Variants in RBP2 observed in about 807,000 individuals in gnomAD.
The protein encoded by RBP2 is retinol binding protein 2, also known as retinol-binding protein 2.
RBP2 carries 17 observed loss-of-function variants against 17.0 expected under a neutral mutation model. The observed-to-expected ratio is 1.00, with a 90% CI of 0.68 to 1.50. The LOEUF (loss-of-function observed/expected upper bound fraction) is 1.50, where lower values mean the gene tolerates loss of function less well. Among genes scored for constraint, RBP2 ranks in the 40% most tolerant of loss-of-function variants. The pLI, the probability that RBP2 is intolerant of heterozygous loss-of-function variation, is 0.00. For missense variants in RBP2, 158 were observed against 168.2 expected (o/e 0.94, Z 0.33); for synonymous variants, 48 against 57.1 (o/e 0.84, Z 0.72).
At chr3:139,471,877 T>TAAC (rs2107883345) in intron 1 of RBP2, among the ~76,000 whole-genome samples, 1 of 152,344 alleles carries the variant, frequency 6.6e-6, no homozygotes, top group South Asian at 2.1e-4. Flanking sequence ...CTATCTCTGT[T>TAAC]AGAGTGAGCA....
chr3:139,461,207 T>G (rs941021395), intron 2 of RBP2, among the ~76,000 whole-genome samples: 20 of 152,160 alleles, frequency 1.3e-4, no homozygotes, highest in Admixed American at 6.5e-5. Flanking sequence ...CTGTTACCCT[T>G]GCCTTCCCAG....
chr3:139,460,723 G>T (rs896507434), intron 2 of RBP2, among the ~76,000 whole-genome samples: 1 of 152,124 alleles, frequency 6.6e-6, no homozygotes, highest in African/African-American at 2.4e-5. Flanking sequence ...GGTGTTGCTT[G>T]CTTTGTTGTG....
chr3:139,472,577 G>A (rs1228564332), intron 1 of RBP2, among the ~76,000 whole-genome samples: 2 of 152,136 alleles, frequency 1.3e-5, no homozygotes, highest in South Asian at 2.1e-4. Context: ...GATGCTGAAG[G>A]CCAGTTAAGG....
intron 3 of RBP2, among the ~76,000 whole-genome samples, chr3:139,454,309 G>T (rs545551681): frequency 2.7e-4 from 41 of 152,188 alleles, no homozygotes; most frequent in African/African-American, 8.9e-4. Flanking sequence ...AATACCTGTG[G>T]CAGTTCCCAG....
rs148588301 is a variant in RBP2 at position 139,474,845 on chromosome 3, G to C, written c.73+1542C>G. ...GCTCCAATCCATTTACCCATGTGTA[G>C]TATCAGAATCCCATTTCTATTGGCC... is the stretch of plus-strand genomic sequence containing the variant. On this transcript the variant is annotated intron_variant, in intron 1 of 3. Coordinates refer to ENST00000232217, the MANE Select transcript of RBP2 (RefSeq NM_004164.3). Among the ~76,000 whole-genome samples, 116 of 152,204 alleles carry C rather than the reference G, an allele frequency of 7.6e-4. 1 individual carries two copies. The highest frequency in any genetic ancestry group is 7.8e-4 in the Non-Finnish European group (53 of 68,012).
At chr3:139,463,185 CTT>C (rs1347779341) in intron 1 of RBP2, among the ~76,000 whole-genome samples, 2 of 151,652 alleles carry the variant, frequency 1.3e-5, no homozygotes, top group Non-Finnish European at 2.9e-5. Context: ...TCAGAGATTT[CTT>C]CTTTTTTTTT....
chr3:139,453,985 CA>C (rs1943354033), intron 3 of RBP2, among the ~76,000 whole-genome samples: 2 of 152,176 alleles, frequency 1.3e-5, no homozygotes, highest in African/African-American at 4.8e-5. Flanking sequence ...GGCACTGTGG[CA>C]ACCTGAATAC....
intron 1 of RBP2, among the ~76,000 whole-genome samples, chr3:139,465,902 G>A (rs1933343338): frequency 6.6e-6 from 1 of 152,176 alleles, no homozygotes; most frequent in South Asian, 2.1e-4. Context: ...CACATAGCCT[G>A]TGAGGCATGG....
chr3:139,462,233 T>G lies in RBP2; in HGVS notation c.131A>C (p.Asp44Ala). 6.2e-7 allele frequency: 1 copy of G among 1,614,138 alleles called. No individual in the cohort carries two copies. The highest frequency in any genetic ancestry group is 8.5e-7 in the Non-Finnish European group (1 of 1,180,002). Reference protein sequence around the residue: ...AVRLTQTKVIDQDGDNFKTKT... With the variant: ...AVRLTQTKVIAQDGDNFKTKT... ...TGTCTTGAAGTTATCACCATCTTGA[T>G]CAATAACCTTCGTCTGAGTGAGACG... Residue 44 changes from aspartate to alanine, a missense_variant, in exon 2 of 4, where the codon GAT becomes GCT. By Grantham distance (126) the Asp-to-Ala change is moderately radical (BLOSUM62 -2). Transcript: ENST00000232217.
At chr3:139,459,779 G>A (rs541345343) in intron 2 of RBP2, among the ~76,000 whole-genome samples, 1 of 151,746 alleles carries the variant, frequency 6.6e-6, no homozygotes, top group South Asian at 2.1e-4. Flanking sequence ...CCCATTGTTG[G>A]AGGCTGGGCA....
intron 2 of RBP2, among the ~76,000 whole-genome samples, chr3:139,457,038 C>T (rs1213800370): frequency 1.3e-5 from 2 of 152,180 alleles, no homozygotes; most frequent in African/African-American, 4.8e-5. Flanking sequence ...CTGTCCTCCT[C>T]ACTCCCAGAT....
At chr3:139,454,960 A>AGG in intron 2 of RBP2, 130 bp from the exon 3 acceptor site, 2 of 815,226 alleles carry the variant, frequency 2.5e-6, no homozygotes, top group Non-Finnish European at 4.1e-6. Flanking sequence ...CCTCAGCCTC[A>AGG]GGGAGCCAAG....
chr3:139,454,712 C>A lies in RBP2; in HGVS notation c.354+17G>T. ...GTAAGCACAATGGAAGTGAGCTGAG[C>A]AGAACCCAGTACTTACCAGGTACAG... On this transcript the variant is annotated intron_variant, in intron 3 of 3. Coordinates refer to ENST00000232217, the MANE Select transcript of RBP2 (RefSeq NM_004164.3). 1 of 1,611,778 alleles carries A rather than the reference C, an allele frequency of 6.2e-7. No individual in the cohort carries two copies. The highest frequency in any genetic ancestry group is 2.2e-5 in the East Asian group (1 of 44,860).
intron 1 of RBP2, among the ~76,000 whole-genome samples, chr3:139,475,478 A>G (rs2107887030): frequency 6.6e-6 from 1 of 152,234 alleles, no homozygotes; most frequent in East Asian, 1.9e-4. Context: ...ACTCTTGGAG[A>G]GACCTCCCAC....
intron 1 of RBP2, among the ~76,000 whole-genome samples, chr3:139,465,573 T>C (rs1933329575): frequency 1.3e-5 from 2 of 152,190 alleles, no homozygotes; most frequent in Admixed American, 1.3e-4. Flanking sequence ...CCCCAAGCTC[T>C]GGGGTAGCCC....
intron 1 of RBP2, among the ~76,000 whole-genome samples, chr3:139,469,660 T>C (rs550557561): frequency 7.2e-6 from 1 of 138,164 alleles, no homozygotes; most frequent in East Asian, 2.0e-4. Context: ...GCATCAGACA[T>C]CTATCTGTCT....
At chr3:139,475,433 T>C (rs750441570) in intron 1 of RBP2, among the ~76,000 whole-genome samples, 2 of 150,656 alleles carry the variant, frequency 1.3e-5, no homozygotes, top group Non-Finnish European at 2.9e-5. Context: ...ATTTTCAAGC[T>C]AGAAGTTTAT....
At chr3:139,454,338 C>T (rs954296786) in intron 3 of RBP2, among the ~76,000 whole-genome samples, 7 of 152,048 alleles carry the variant, frequency 4.6e-5, no homozygotes, top group African/African-American at 1.7e-4. Context: ...GGTCCTGTCT[C>T]CTCCCCACCC....
intron 2 of RBP2, among the ~76,000 whole-genome samples, chr3:139,460,309 A>G (rs1418277124): frequency 6.6e-6 from 1 of 152,192 alleles, no homozygotes; most frequent in Non-Finnish European, 1.5e-5. Context: ...GAGGGGTTCC[A>G]TAAGTGGACA....
Sources: gnomAD v4.1 joint callset for allele counts (sites outside exome capture counted in the v4.1 genomes callset) on GRCh38, gnomAD v4.1.1 for gene constraint, MANE v1.5 for transcripts, NCBI Gene and HGNC (gene_info 2026-07-23, HGNC 2026-07-21) for gene names.